The following GRIK3 variants were observed in gnomAD, a reference collection of about 807,000 sequenced individuals.
GRIK3 encodes the protein glutamate ionotropic receptor kainate type subunit 3, also known as glutamate receptor ionotropic, kainate 3.
In GRIK3, 29 loss-of-function variants were observed where a neutral mutation model predicts 102.5. The observed-to-expected ratio is 0.28, with a 90% CI of 0.21 to 0.39. GRIK3 has a LOEUF of 0.39. GRIK3 is among the 10% of genes least tolerant of loss of function. The pLI, the probability that GRIK3 is intolerant of heterozygous loss-of-function variation, is 1.00. For missense variants in GRIK3, 908 were observed against 1,252.4 expected (o/e 0.73, Z 4.15); for synonymous variants, 511 against 504.9 (o/e 1.01, Z -0.16).
intron 10 of GRIK3, among the ~76,000 whole-genome samples, chr1:36,831,084 C>T (rs1428943963): frequency 6.6e-6 from 1 of 152,218 alleles, no homozygotes; most frequent in Non-Finnish European, 1.5e-5. Flanking sequence ...AGGGAACTAA[C>T]ATTCCTGCCA....
At chr1:36,887,407 G>A (rs567669636) in intron 2 of GRIK3, among the ~76,000 whole-genome samples, 1 of 152,272 alleles carries the variant, frequency 6.6e-6, no homozygotes, top group East Asian at 1.9e-4. Context: ...AAGCCCACAT[G>A]TAATGCATAT....
chr1:37,018,634 A>G (rs962939344), intron 1 of GRIK3, among the ~76,000 whole-genome samples: 24 of 152,144 alleles, frequency 1.6e-4, no homozygotes, highest in African/African-American at 5.5e-4. Flanking sequence ...ACCCTCCTTA[A>G]CTGCAGGCCT....
intron 1 of GRIK3, among the ~76,000 whole-genome samples, chr1:36,955,528 C>A (rs906556620): frequency 6.6e-6 from 1 of 152,156 alleles, no homozygotes; most frequent in African/African-American, 2.4e-5. Flanking sequence ...CACAGACATA[C>A]CCCCGCCCCC....
intron 1 of GRIK3, among the ~76,000 whole-genome samples, chr1:36,997,942 C>T (rs985176540): frequency 6.6e-5 from 10 of 152,168 alleles, no homozygotes; most frequent in Non-Finnish European, 1.3e-4. Flanking sequence ...TCTATCTCTC[C>T]CTCAACTAGA....
At chr1:36,909,750 C>T (rs1268439622) in intron 1 of GRIK3, among the ~76,000 whole-genome samples, 1 of 152,190 alleles carries the variant, frequency 6.6e-6, no homozygotes, top group East Asian at 1.9e-4. Flanking sequence ...TAACCCCTAA[C>T]TGAGAGCCAG....
chr1:36,954,753 G>A (rs1219981265), intron 1 of GRIK3, among the ~76,000 whole-genome samples: 2 of 152,206 alleles, frequency 1.3e-5, no homozygotes, highest in Non-Finnish European at 2.9e-5. Flanking sequence ...GCACGCACAA[G>A]GACACACACA....
chr1:36,826,273 C>T (rs2124198443), intron 10 of GRIK3, among the ~76,000 whole-genome samples: 1 of 152,348 alleles, frequency 6.6e-6, no homozygotes, highest in African/African-American at 2.4e-5. Context: ...GCTTTCCTCT[C>T]CCATCCACTT....
At chr1:36,848,959 C>G (rs1173557631) in intron 9 of GRIK3, among the ~76,000 whole-genome samples, 1 of 152,134 alleles carries the variant, frequency 6.6e-6, no homozygotes. Flanking sequence ...GACAGGTGTC[C>G]CCTAAGACCA....
intron 2 of GRIK3, among the ~76,000 whole-genome samples, chr1:36,887,792 TGAGA>T (rs1557714604): frequency 1.2e-4 from 4 of 33,062 alleles, no homozygotes; most frequent in Non-Finnish European, 1.7e-4. Flanking sequence ...ATATATATAG[TGAGA>T]GAGAGAGAGA....
chr1:36,918,450 T>C (rs890399082), intron 1 of GRIK3, among the ~76,000 whole-genome samples: 3 of 152,228 alleles, frequency 2.0e-5, no homozygotes, highest in African/African-American at 7.2e-5. Flanking sequence ...ATTACATTTA[T>C]TATTAATGGC....
chr1:37,000,707 A>G (rs548788163), intron 1 of GRIK3, among the ~76,000 whole-genome samples: 2 of 152,320 alleles, frequency 1.3e-5, no homozygotes, highest in South Asian at 2.1e-4. Context: ...GTGCAGAACC[A>G]ATATTCAACT....
chr1:36,840,196 T>C (rs1640429837), intron 10 of GRIK3, among the ~76,000 whole-genome samples: 1 of 152,082 alleles, frequency 6.6e-6, no homozygotes, highest in Non-Finnish European at 1.5e-5. Flanking sequence ...AGTACCTACC[T>C]CACTGGGCTT....
chr1:36,998,651 G>T (rs936015467), intron 1 of GRIK3, among the ~76,000 whole-genome samples: 1 of 152,184 alleles, frequency 6.6e-6, no homozygotes, highest in Non-Finnish European at 1.5e-5. Flanking sequence ...TTTGTGCCAT[G>T]GGGTTATCAT....
chr1:36,940,074 G>A lies in GRIK3; in HGVS notation c.116-48978C>T, dbSNP rs536396196. 8.5e-5 allele frequency among the ~76,000 whole-genome samples: 13 copies of A among 152,284 alleles called. No individual in the cohort carries two copies. The East Asian group carries it at 2.3e-3, about 27-fold the overall frequency. ...CCTCAGGGACTTCCATGACAGGTGGGAACACAAGCAATAAGCAAGGAAAAT... is the reference window on the plus strand; with the variant it reads ...CCTCAGGGACTTCCATGACAGGTGGAAACACAAGCAATAAGCAAGGAAAAT... On this transcript the variant is annotated intron_variant, in intron 1 of 15. Transcript: ENST00000373091.
intron 7 of GRIK3, among the ~76,000 whole-genome samples, chr1:36,856,434 T>C (rs1426457465): frequency 6.6e-6 from 1 of 152,180 alleles, no homozygotes; most frequent in Non-Finnish European, 1.5e-5. Flanking sequence ...GAAAGATGCT[T>C]CACACGCTCT....
intron 1 of GRIK3, among the ~76,000 whole-genome samples, chr1:36,928,490 A>G (rs1229691885): frequency 6.6e-6 from 1 of 152,246 alleles, no homozygotes; most frequent in Admixed American, 6.5e-5. Context: ...TGATGTCCTT[A>G]GCTTTGGAGT....
intron 1 of GRIK3, among the ~76,000 whole-genome samples, chr1:36,921,818 G>C (rs1641476739): frequency 6.6e-6 from 1 of 152,038 alleles, no homozygotes; most frequent in Non-Finnish European, 1.5e-5. Context: ...TTCCACTGAG[G>C]ACCTGGCCCT....
intron 1 of GRIK3, among the ~76,000 whole-genome samples, chr1:36,948,440 G>C (rs1005408118): frequency 5.3e-5 from 8 of 152,108 alleles, no homozygotes; most frequent in African/African-American, 1.7e-4. Flanking sequence ...TAAGATGGAG[G>C]GGGAACCTAT....
chr1:37,024,793 G>C (rs974237504), intron 1 of GRIK3, among the ~76,000 whole-genome samples: 4 of 150,296 alleles, frequency 2.7e-5, no homozygotes, highest in African/African-American at 9.8e-5. Flanking sequence ...CAGGTGGGAA[G>C]TGAGGGAGGC....
Sources: allele counts gnomAD v4.1 joint callset (sites outside exome capture counted in the v4.1 genomes callset), GRCh38; gene constraint gnomAD v4.1.1; transcripts MANE v1.5; gene names NCBI Gene and HGNC (gene_info 2026-07-23, HGNC 2026-07-21).